The following A4GALT variants were observed in gnomAD, a reference collection of about 807,000 sequenced individuals.
The protein encoded by A4GALT is alpha 1,4-galactosyltransferase (P1PK blood group), also known as lactosylceramide 4-alpha-galactosyltransferase.
For missense variants in A4GALT, 512 were observed against 486.0 expected (o/e 1.05, Z -0.50); for synonymous variants, 257 against 220.7 (o/e 1.16, Z -1.46).
At chr22:42,712,574 G>A (rs1255974157) in intron 1 of A4GALT, among the ~76,000 whole-genome samples, 1 of 152,176 alleles carries the variant, frequency 6.6e-6, no homozygotes, top group African/African-American at 2.4e-5. Flanking sequence ...TTTCCATATT[G>A]CTTCACTTTC....
chr22:42,699,878 G>A (rs1931183678), intron 1 of A4GALT, among the ~76,000 whole-genome samples: 1 of 152,218 alleles, frequency 6.6e-6, no homozygotes, highest in African/African-American at 2.4e-5. Flanking sequence ...ATGGCCCCCA[G>A]TGTGGGTGGG....
At chr22:42,707,350 C>T (rs1359967877) in intron 1 of A4GALT, among the ~76,000 whole-genome samples, 1 of 151,980 alleles carries the variant, frequency 6.6e-6, no homozygotes, top group Non-Finnish European at 1.5e-5. Flanking sequence ...GGATTCCTAG[C>T]AAATAAAAAT....
At chr22:42,715,853 ATGGAGT>A (rs111626860) in intron 1 of A4GALT, among the ~76,000 whole-genome samples, 73,181 of 142,622 alleles carry the variant, frequency 0.51, 19,768 homozygotes, top group East Asian at 0.82. Context: ...TTTTTTTGAG[ATGGAGT>A]TTCGCTCTTT....
chr22:42,703,106 C>CTGTGTGTGTGTGTGTGTGTGTG (rs3985930), intron 1 of A4GALT, among the ~76,000 whole-genome samples: 1,918 of 133,998 alleles, frequency 0.014, 66 homozygotes, highest in African/African-American at 0.053. Context: ...TGCTGCCCCA[C>CTGTGTGTGTGTGTGTGTGTGTG]TGTGTGTGTG....
chr22:42,706,082 G>A lies in A4GALT; in HGVS notation c.-187-10451C>T, dbSNP rs1490491406. 3.6e-5 allele frequency among the ~76,000 whole-genome samples: 4 copies of A among 111,708 alleles called. 1 individual carries two copies. The highest frequency in any genetic ancestry group is 2.3e-4 in the East Asian group (1 of 4,362). 73.3% of individuals were successfully genotyped at this position (111,708 alleles called of 152,430 possible). On this transcript the variant is annotated intron_variant, in intron 1 of 2. Coordinates refer to ENST00000642412, the MANE Select transcript of A4GALT (RefSeq NM_017436.7). Reference sequence around the variant, plus strand: ...AAAAAAAAAAAAAAGTTGGCCGGGTGCGGTGGCTCACGCCTGTAATCTCAG... The same window carrying A: ...AAAAAAAAAAAAAAGTTGGCCGGGTACGGTGGCTCACGCCTGTAATCTCAG...
chr22:42,721,209 C>G (rs949035074), upstream of A4GALT: 1 of 152,158 alleles, frequency 6.6e-6, no homozygotes, highest in African/African-American at 2.4e-5. Flanking sequence ...CCCCTGGGAC[C>G]CGGGTCGGCC....
At chr22:42,703,259 G>GTTTTTTTTTTTTTTT (rs59690136) in intron 1 of A4GALT, among the ~76,000 whole-genome samples, 1 of 131,748 alleles carries the variant, frequency 7.6e-6, no homozygotes, top group African/African-American at 2.9e-5. Context: ...GTTTGTTTTT[G>GTTTTTTTTTTTTTTT]TTTTTTTTTT....
At chr22:42,707,875 G>C (rs1921289079) in intron 1 of A4GALT, among the ~76,000 whole-genome samples, 1 of 149,974 alleles carries the variant, frequency 6.7e-6, no homozygotes, top group Admixed American at 6.7e-5. Context: ...GCTCCTGTCT[G>C]TAATCTCAGA....
At chr22:42,709,364 T>G in intron 1 of A4GALT, among the ~76,000 whole-genome samples, 1 of 149,462 alleles carries the variant, frequency 6.7e-6, no homozygotes, top group Non-Finnish European at 1.5e-5. Context: ...AAAAAAAATT[T>G]AAGTAAAGCA....
chr22:42,703,259 GT>G (rs59690136), intron 1 of A4GALT, among the ~76,000 whole-genome samples: 12,878 of 131,586 alleles, frequency 0.098, 1,967 homozygotes, highest in African/African-American at 0.35. Flanking sequence ...GTTTGTTTTT[GT>G]TTTTTTTTTT....
Position 42,692,978 on chromosome 22 carries a change from C to T in A4GALT, c.974G>A (p.Arg325Gln), listed in dbSNP as rs370730602. ...HVWNKKSQGT[R>Q]FEATSRALLA... ...CAGTGCCCTGGACGTGGCCTCGAAC[C>T]GCGTGCCCTGGCTCTTCTTGTTCCA... The change falls in exon 3 of 3, where the codon CGG becomes CAG. Residue 325 changes from arginine to glutamine, a missense_variant. Physicochemically the swap from Arg to Gln is conservative, Grantham distance 43 (BLOSUM62 1). Coordinates refer to ENST00000642412, the MANE Select transcript of A4GALT (RefSeq NM_017436.7). This position sits in a 1 kb window ranked among gnomAD's most constrained non-coding sequence, Gnocchi z 4.6. 9.3e-6 allele frequency: 15 copies of T among 1,613,268 alleles called. No homozygotes were observed. Among genetic ancestry groups the T allele is most frequent in the Admixed American group, 3.3e-5 (2 of 60,028 alleles).
rs745487099 is a variant in A4GALT at position 42,693,967 on chromosome 22, G to A, written c.-16C>T. Reference sequence around the variant, plus strand: ...GCTTGGACATGGTATCCCCAGATCAGACCAGGAGCTTCCAGCAGGAACCGG... The same window carrying A: ...GCTTGGACATGGTATCCCCAGATCAAACCAGGAGCTTCCAGCAGGAACCGG... On this transcript the variant is annotated 5_prime_UTR_variant, in exon 3 of 3. Coordinates refer to ENST00000642412, the MANE Select transcript of A4GALT (RefSeq NM_017436.7). 2 of 1,563,358 alleles carry A rather than the reference G, an allele frequency of 1.3e-6. No homozygotes were observed. The highest frequency in any genetic ancestry group is 1.9e-5 in the Admixed American group (1 of 53,034).
At chr22:42,700,325 G>A (rs958735112) in intron 1 of A4GALT, among the ~76,000 whole-genome samples, 10 of 152,230 alleles carry the variant, frequency 6.6e-5, no homozygotes, top group Admixed American at 1.3e-4. Flanking sequence ...CTCCAGGAGA[G>A]CCAGAGGCTA....
intron 1 of A4GALT, among the ~76,000 whole-genome samples, chr22:42,719,907 G>C (rs143188011): frequency 1.3e-5 from 2 of 152,208 alleles, no homozygotes; most frequent in Non-Finnish European, 2.9e-5. Context: ...TGTCGTGAGG[G>C]AAAGGTGGGT....
chr22:42,704,974 C>T (rs1920975123), intron 1 of A4GALT, among the ~76,000 whole-genome samples: 1 of 152,028 alleles, frequency 6.6e-6, no homozygotes, highest in Non-Finnish European at 1.5e-5. Flanking sequence ...GAGCTACGGC[C>T]AGAATGAACT....
chr22:42,693,208 G>A lies in A4GALT; in HGVS notation c.744C>T (p.His248=), dbSNP rs1930602053. Residue 248 remains histidine (H), a synonymous_variant, in exon 3 of 3, where the codon CAC becomes CAT. Transcript: ENST00000642412. ...VDHYNGWIWG[H]QGPQLLTRVF... ...CCCGCGTGAGCAGCTGCGGGCCCTG[G>A]TGACCCCAGATCCAGCCGTTGTAGT... is the stretch of plus-strand genomic sequence containing the variant. 1 of 1,604,756 alleles carries A rather than the reference G, an allele frequency of 6.2e-7. No individual in the cohort carries two copies. Among genetic ancestry groups the A allele is most frequent in the Admixed American group, 1.7e-5 (1 of 58,408 alleles).
At chr22:42,700,234 G>A (rs932270862) in intron 1 of A4GALT, among the ~76,000 whole-genome samples, 12 of 152,206 alleles carry the variant, frequency 7.9e-5, no homozygotes, top group African/African-American at 2.7e-4. Context: ...GGGGCTCCTC[G>A]CTCTCATTCT....
At chr22:42,720,344 C>G (rs903769469) in intron 1 of A4GALT, among the ~76,000 whole-genome samples, 5 of 152,230 alleles carry the variant, frequency 3.3e-5, no homozygotes, top group Non-Finnish European at 7.3e-5. Flanking sequence ...TCTCCATCCC[C>G]GTCCCCGGTC....
intron 1 of A4GALT, among the ~76,000 whole-genome samples, chr22:42,702,580 G>A (rs987188306): frequency 3.3e-5 from 5 of 152,138 alleles, no homozygotes; most frequent in African/African-American, 9.7e-5. Flanking sequence ...CGGGTGATCC[G>A]CCCACCTCGG....
Sources: gnomAD v4.1 joint callset for allele counts (sites outside exome capture counted in the v4.1 genomes callset) on GRCh38, gnomAD v4.1.1 for gene constraint, Gnocchi (gnomAD v3.1) non-coding constraint, MANE v1.5 for transcripts, NCBI Gene and HGNC (gene_info 2026-07-23, HGNC 2026-07-21) for gene names.